Variants in KCNMB2 observed in about 807,000 individuals in gnomAD.
The protein encoded by KCNMB2 is potassium calcium-activated channel subfamily M regulatory beta subunit 2.
In KCNMB2, 9 loss-of-function variants were observed where a neutral mutation model predicts 24.5. The ratio of observed to expected loss-of-function variants is 0.37; its 90% CI spans 0.22 to 0.64. The LOEUF is 0.64. KCNMB2 is among the 30% of genes least tolerant of loss of function. The pLI, the probability that KCNMB2 is intolerant of heterozygous loss-of-function variation, is 0.63. For synonymous variants in KCNMB2, 109 were observed against 104.4 expected, an observed-to-expected ratio of 1.04 and a Z score of -0.27; for missense variants, 226 against 284.3, an observed-to-expected ratio of 0.79 and a Z score of 1.47.
At chr3:178,612,998 C>T (rs901166837) in intron 1 of KCNMB2, among the ~76,000 whole-genome samples, 1 of 152,036 alleles carries the variant, frequency 6.6e-6, no homozygotes, top group Non-Finnish European at 1.5e-5. Context: ...ATACTGTTTG[C>T]ATAAACAAAA....
At chr3:178,768,481 T>A (rs575409751) in intron 1 of KCNMB2, among the ~76,000 whole-genome samples, 2 of 152,274 alleles carry the variant, frequency 1.3e-5, no homozygotes, top group East Asian at 3.9e-4. Flanking sequence ...TAAATGATAA[T>A]CTCAAATCAA....
intron 1 of KCNMB2, among the ~76,000 whole-genome samples, chr3:178,779,766 T>C (rs1023243143): frequency 6.6e-6 from 1 of 152,154 alleles, no homozygotes; most frequent in Non-Finnish European, 1.5e-5. Context: ...ATTGTAGTTG[T>C]TCTCTTTTTG....
At chr3:178,831,369 T>C (rs1446041370) in intron 4 of KCNMB2, among the ~76,000 whole-genome samples, 1 of 152,190 alleles carries the variant, frequency 6.6e-6, no homozygotes, top group Non-Finnish European at 1.5e-5. Context: ...AGAACTATCA[T>C]TCATCCCAGC....
At chr3:178,719,238 G>A (rs1722719087) in intron 1 of KCNMB2, among the ~76,000 whole-genome samples, 1 of 152,210 alleles carries the variant, frequency 6.6e-6, no homozygotes, top group Non-Finnish European at 1.5e-5. Flanking sequence ...CAGGAGGCTG[G>A]CATTGTTCCA....
intron 1 of KCNMB2, among the ~76,000 whole-genome samples, chr3:178,806,709 T>TAAC (rs1284385199): frequency 6.6e-6 from 1 of 150,866 alleles, no homozygotes; most frequent in African/African-American, 2.4e-5. Context: ...ATAATAATAA[T>TAAC]AATAATAACC....
At chr3:178,817,733 G>A (rs1243091613) in intron 2 of KCNMB2, among the ~76,000 whole-genome samples, 1 of 152,128 alleles carries the variant, frequency 6.6e-6, no homozygotes, top group African/African-American at 2.4e-5. Flanking sequence ...GGACACTGAT[G>A]GGAAGATAGA....
chr3:178,627,726 G>A (rs1383793330), intron 1 of KCNMB2, among the ~76,000 whole-genome samples: 4 of 152,088 alleles, frequency 2.6e-5, no homozygotes, highest in East Asian at 3.8e-4. Flanking sequence ...TATTTTATGC[G>A]CCATTTCAGC....
intron 4 of KCNMB2, among the ~76,000 whole-genome samples, chr3:178,838,947 T>A (rs1715330777): frequency 6.6e-6 from 1 of 152,128 alleles, no homozygotes; most frequent in Non-Finnish European, 1.5e-5. Context: ...CAACTGAAAA[T>A]TATAATGTTT....
At chr3:178,685,738 C>T (rs377359149) in intron 1 of KCNMB2, among the ~76,000 whole-genome samples, 3 of 151,912 alleles carry the variant, frequency 2.0e-5, no homozygotes, top group Admixed American at 2.0e-4. Flanking sequence ...GTTCCCACAG[C>T]CTAGCAGTGC....
chr3:178,627,671 A>C (rs555401012), intron 1 of KCNMB2, among the ~76,000 whole-genome samples: 1 of 152,328 alleles, frequency 6.6e-6, no homozygotes, highest in Non-Finnish European at 1.5e-5. Context: ...ACAGGAAAAA[A>C]GAACTGACCT....
chr3:178,842,878 G>C lies in KCNMB2; in HGVS notation c.649G>C (p.Val217Leu). 1 of 1,613,980 alleles carries C rather than the reference G, an allele frequency of 6.2e-7. No homozygotes were observed. Among genetic ancestry groups the C allele is most frequent in the Non-Finnish European group, 8.5e-7 (1 of 1,179,912 alleles). ...MAGGVAIVAM[V>L]KLTQYLSLLC... ...TGGGGGTGTGGCAATTGTTGCCATG[G>C]TGAAACTTACACAGTACCTCTCCCT... Residue 217 changes from valine to leucine, a missense_variant, in exon 5 of 5, where the codon GTG (valine) becomes CTG (leucine). By Grantham distance (32) the Val-to-Leu change is conservative. Coordinates refer to ENST00000452583, the MANE Select transcript of KCNMB2 (RefSeq NM_181361.3).
intron 1 of KCNMB2, among the ~76,000 whole-genome samples, chr3:178,573,591 A>T (rs983063305): frequency 5.3e-5 from 8 of 150,956 alleles, no homozygotes; most frequent in African/African-American, 1.5e-4. Context: ...CATAAAAAAA[A>T]AAAAAAAACT....
intron 1 of KCNMB2, among the ~76,000 whole-genome samples, chr3:178,679,285 C>T (rs921512383): frequency 6.6e-6 from 1 of 152,006 alleles, no homozygotes; most frequent in Non-Finnish European, 1.5e-5. Flanking sequence ...GGCTGGAGTA[C>T]AGTGGTGCAC....
At chr3:178,663,417 T>C (rs1490034532) in intron 1 of KCNMB2, among the ~76,000 whole-genome samples, 2 of 152,124 alleles carry the variant, frequency 1.3e-5, no homozygotes, top group Non-Finnish European at 2.9e-5. Context: ...ACATCACACT[T>C]GCCTCCAAGA....
intron 1 of KCNMB2, among the ~76,000 whole-genome samples, chr3:178,609,542 G>A (rs1219379967): frequency 6.6e-6 from 1 of 151,990 alleles, no homozygotes. Flanking sequence ...TATTGTTCAA[G>A]AAACCTTTGC....
Position 178,759,632 on chromosome 3 carries a change from A to C in KCNMB2, c.-67-47711A>C, listed in dbSNP as rs1258016769. ...ATATATATACATATATCTCTCTCCA[A>C]GAGGATATATATATATATATCTCCA... On this transcript the variant is annotated intron_variant, in intron 1 of 4. Coordinates refer to ENST00000452583, the MANE Select transcript of KCNMB2 (RefSeq NM_181361.3). 1.6e-3 allele frequency among the ~76,000 whole-genome samples: 183 copies of C among 116,472 alleles called. 6 individuals carry two copies. Among genetic ancestry groups the C allele is most frequent in the African/African-American group, 5.5e-3 (154 of 27,850 alleles). 76.4% of individuals were successfully genotyped at this position (116,472 alleles called of 152,430 possible).
chr3:178,587,440 T>C (rs1717484057), intron 1 of KCNMB2, among the ~76,000 whole-genome samples: 2 of 152,104 alleles, frequency 1.3e-5, no homozygotes, highest in Non-Finnish European at 2.9e-5. Context: ...TTCTTTTTTT[T>C]GAGACAGGGT....
At chr3:178,707,768 G>A (rs1479709937) in intron 1 of KCNMB2, among the ~76,000 whole-genome samples, 1 of 152,090 alleles carries the variant, frequency 6.6e-6, no homozygotes, top group Non-Finnish European at 1.5e-5. Context: ...TCCTACCTAA[G>A]CAAATAGAAA....
At chr3:178,568,686 T>C (rs1716617012) in intron 1 of KCNMB2, among the ~76,000 whole-genome samples, 1 of 150,174 alleles carries the variant, frequency 6.7e-6, no homozygotes, top group Non-Finnish European at 1.5e-5. Flanking sequence ...CAAGGAATAC[T>C]TATTGAACTA....
Sources: allele counts gnomAD v4.1 joint callset (sites outside exome capture counted in the v4.1 genomes callset), GRCh38; gene constraint gnomAD v4.1.1; transcripts MANE v1.5; gene names NCBI Gene and HGNC (gene_info 2026-07-23, HGNC 2026-07-21).